ZGRF1: variants seen among roughly 807,000 people sequenced by gnomAD.
ZGRF1 encodes zinc finger GRF-type containing 1.
In ZGRF1, 196 loss-of-function variants were observed where a neutral mutation model predicts 203.5. That is an observed-to-expected ratio of 0.96 (90% CI 0.86 to 1.08). ZGRF1 has a LOEUF of 1.08. Ranked by LOEUF, ZGRF1 falls within the 50% of genes least tolerant of loss-of-function variation. ZGRF1 has a pLI of 0.00. For missense variants in ZGRF1, 2,326 were observed against 2,416.3 expected, an observed-to-expected ratio of 0.96 and a Z score of 0.78; for synonymous variants, 809 against 841.3, an observed-to-expected ratio of 0.96 and a Z score of 0.66.
intron 16 of ZGRF1, among the ~76,000 whole-genome samples, chr4:112,566,073 A>G (rs1005600006): frequency 6.6e-6 from 1 of 152,162 alleles, no homozygotes; most frequent in African/African-American, 2.4e-5. Context: ...ACTATTCACA[A>G]TAGCAAAGAC....
intron 8 of ZGRF1, 33 bp from the exon 9 acceptor site, chr4:112,606,124 G>A: frequency 7.8e-7 from 1 of 1,286,440 alleles, no homozygotes; most frequent in East Asian, 2.3e-5. Flanking sequence ...TATCTAGTTA[G>A]CTAGAATAGT....
At chr4:112,560,708 A>G in intron 19 of ZGRF1, 25 bp downstream of exon 19, 1 of 1,534,596 alleles carries the variant, frequency 6.5e-7, no homozygotes, top group Non-Finnish European at 8.8e-7. Context: ...AAACAATTAC[A>G]ATTATTTTCT....
At chr4:112,548,113 G>C (rs1739164867) in intron 23 of ZGRF1, 140 bp downstream of exon 23, 1 of 677,380 alleles carries the variant, frequency 1.5e-6, no homozygotes, top group Non-Finnish European at 2.4e-6. Context: ...AGCTAATTTT[G>C]TATTTTTTGT....
intron 3 of ZGRF1, among the ~76,000 whole-genome samples, chr4:112,627,907 A>G (rs76649243): frequency 0.07 from 10,626 of 152,240 alleles, 515 homozygotes; most frequent in Non-Finnish European, 0.099. Context: ...CATTTCAGCT[A>G]TATTTAAATG....
intron 7 of ZGRF1, 104 bp from the exon 8 acceptor site, chr4:112,609,533 T>C (rs937780090): frequency 2.9e-5 from 12 of 414,144 alleles, no homozygotes; most frequent in African/African-American, 4.4e-5. Flanking sequence ...GGGCTGGGCA[T>C]GGTGGCTCAC....
intron 10 of ZGRF1, among the ~76,000 whole-genome samples, chr4:112,603,038 G>A (rs2149093968): frequency 6.6e-6 from 1 of 151,732 alleles, no homozygotes; most frequent in South Asian, 2.1e-4. Context: ...CTTCTCATAT[G>A]TATTATGCTT....
At position 112,618,436 on chromosome 4, in the gene ZGRF1, T is replaced by G. The variant is rs1283301331; in HGVS notation, c.1606A>C (p.Asn536His). Reference protein sequence around the residue: ...PFLEVTFNLNNFETSDTEEES... With the variant: ...PFLEVTFNLNHFETSDTEEES... The stretch of plus-strand genomic sequence containing the variant: ...TCCTCAGTGTCACTGGTCTCAAAAT[T>G]GTTCAGATTAAAAGTTACCTCCAAA... Residue 536 changes from asparagine to histidine, a missense_variant, in exon 6 of 28, where the codon AAT becomes CAT. Transcript: ENST00000505019. 1.9e-6 allele frequency: 3 copies of G among 1,613,876 alleles called. No individual in the cohort carries two copies. The highest frequency in any genetic ancestry group is 2.2e-5 in the South Asian group (2 of 91,072).
At chr4:112,614,784 G>A (rs974297772) in intron 6 of ZGRF1, among the ~76,000 whole-genome samples, 2 of 151,860 alleles carry the variant, frequency 1.3e-5, no homozygotes, top group African/African-American at 2.4e-5. Context: ...CCAAGATCGC[G>A]CCACTGCACT....
intron 10 of ZGRF1, among the ~76,000 whole-genome samples, chr4:112,595,124 G>A (rs1361306295): frequency 6.6e-6 from 1 of 152,010 alleles, no homozygotes; most frequent in Non-Finnish European, 1.5e-5. Flanking sequence ...ACATTTTAAT[G>A]TCTTTGAAAT....
At chr4:112,563,899 A>C (rs2148904594) in intron 16 of ZGRF1, among the ~76,000 whole-genome samples, 1 of 152,178 alleles carries the variant, frequency 6.6e-6, no homozygotes, top group East Asian at 1.9e-4. Flanking sequence ...CTCTCTTATA[A>C]GGCCACTAAT....
intron 3 of ZGRF1, among the ~76,000 whole-genome samples, chr4:112,627,680 T>C (rs540338657): frequency 3.1e-4 from 47 of 152,202 alleles, no homozygotes; most frequent in African/African-American, 1.1e-3. Flanking sequence ...GCAGAGGCTG[T>C]AGTGAGCCGA....
intron 22 of ZGRF1, among the ~76,000 whole-genome samples, chr4:112,551,138 A>C (rs574956756): frequency 6.6e-6 from 1 of 152,298 alleles, no homozygotes; most frequent in African/African-American, 2.4e-5. Context: ...TTCACAGTAC[A>C]TTTTCTGTTT....
intron 7 of ZGRF1, among the ~76,000 whole-genome samples, chr4:112,611,978 T>C (rs564111333): frequency 5.9e-4 from 90 of 152,082 alleles, no homozygotes; most frequent in Non-Finnish European, 1.0e-3. Flanking sequence ...TTGTTTTTTT[T>C]TTTTGAGATG....
At chr4:112,630,235 A>T (rs1286629229) in intron 3 of ZGRF1, among the ~76,000 whole-genome samples, 2 of 151,234 alleles carry the variant, frequency 1.3e-5, no homozygotes, top group Non-Finnish European at 2.9e-5. Context: ...GCAGTGGCTC[A>T]GGCCAGGCGC....
At chr4:112,563,934 C>T (rs563734652) in intron 16 of ZGRF1, among the ~76,000 whole-genome samples, 9 of 152,226 alleles carry the variant, frequency 5.9e-5, no homozygotes, top group African/African-American at 1.9e-4. Flanking sequence ...AGTTATGCAG[C>T]GCCCACATGA....
intron 7 of ZGRF1, among the ~76,000 whole-genome samples, chr4:112,611,987 T>C (rs569372667): frequency 8.6e-4 from 131 of 151,708 alleles, no homozygotes; most frequent in Middle Eastern, 3.4e-3. Flanking sequence ...TTTTTTGAGA[T>C]GGAGTCTCAC....
Position 112,610,703 on chromosome 4 carries a change from AT to A in ZGRF1, c.2668-1275del, listed in dbSNP as rs1751452652. ...GAAAAAACTTAAAATGCAAACAATG[AT>A]TTATGTGTAAAAACATTTATTAAAG... On this transcript the variant is annotated intron_variant, in intron 7 of 27. Transcript: ENST00000505019. 2.0e-5 allele frequency: 3 copies of A among 153,418 alleles called. No homozygotes were observed. The Admixed American group carries it at 2.0e-4, about 10-fold the overall frequency. The allele number at this position is 153,418 out of a possible 1,614,324, so 9.5% of individuals were successfully genotyped here.
chr4:112,548,442 T>C (rs1401910317), intron 22 of ZGRF1, 62 bp from the exon 23 acceptor site: 27 of 1,355,390 alleles, frequency 2.0e-5, no homozygotes, highest in Non-Finnish European at 2.4e-5. Context: ...AGAACGTATT[T>C]ACCAAAGAAC....
At chr4:112,545,759 C>G (rs1305183924) in intron 24 of ZGRF1, among the ~76,000 whole-genome samples, 5 of 152,040 alleles carry the variant, frequency 3.3e-5, no homozygotes, top group Non-Finnish European at 7.4e-5. Flanking sequence ...TACACACATG[C>G]AATGGAATAT....
Sources: allele counts gnomAD v4.1 joint callset (sites outside exome capture counted in the v4.1 genomes callset), GRCh38; gene constraint gnomAD v4.1.1; transcripts MANE v1.5; gene names NCBI Gene and HGNC (gene_info 2026-07-23, HGNC 2026-07-21).